The following DPYSL2 variants were observed in gnomAD, a reference collection of about 807,000 sequenced individuals.
The protein encoded by DPYSL2 is dihydropyrimidinase-related protein 2.
A neutral mutation model predicts 69.9 loss-of-function variants in DPYSL2; 13 were observed. The observed-to-expected ratio is 0.19, with a 90% CI of 0.12 to 0.30. DPYSL2 has a LOEUF of 0.30. DPYSL2 is among the 10% of genes least tolerant of loss of function. The pLI, the probability that DPYSL2 is intolerant of heterozygous loss-of-function variation, is 1.00. For synonymous variants in DPYSL2, 326 were observed against 359.1 expected, an observed-to-expected ratio of 0.91 and a Z score of 1.04; for missense variants, 587 against 918.9, an observed-to-expected ratio of 0.64 and a Z score of 4.67.
chr8:26,553,695 G>A (rs1800902663), intron 1 of DPYSL2, among the ~76,000 whole-genome samples: 1 of 152,104 alleles, frequency 6.6e-6, no homozygotes, highest in African/African-American at 2.4e-5. Flanking sequence ...ACACATGCAT[G>A]TGTCTTTATG....
chr8:26,554,742 G>A (rs1189612932), intron 1 of DPYSL2, among the ~76,000 whole-genome samples: 2 of 152,086 alleles, frequency 1.3e-5, no homozygotes, highest in East Asian at 3.8e-4. Context: ...GAAAACAGAA[G>A]CAGTGGGGAT....
At position 26,614,272 on chromosome 8, in the gene DPYSL2, T is replaced by A. The variant is rs888575724; in HGVS notation, c.629-9871T>A. On this transcript the variant is annotated intron_variant, in intron 3 of 13. Transcript: ENST00000521913. This position sits in a 1 kb window ranked among gnomAD's most constrained non-coding sequence, Gnocchi z 4.9. ...AGACAGGAAGGGAACAGAACTGGGA[T>A]GTGGCAGGGACAGGTTCCAGGCACT... Among the ~76,000 whole-genome samples the A allele has an allele frequency of 6.6e-6, 1 of 152,060 alleles. No individual in the cohort carries two copies. Among genetic ancestry groups the A allele is most frequent in the Non-Finnish European group, 1.5e-5 (1 of 68,016 alleles).
chr8:26,522,117 A>G (rs1166454652), intron 1 of DPYSL2, among the ~76,000 whole-genome samples: 3 of 152,162 alleles, frequency 2.0e-5, no homozygotes, highest in South Asian at 4.1e-4. Context: ...AGATCAGCCT[A>G]GCCAACATGG....
At position 26,643,068 on chromosome 8, in the gene DPYSL2, C is replaced by T; in HGVS notation, c.1127-371C>T. 5.2e-6 allele frequency: 1 copy of T among 194,122 alleles called. No homozygotes were observed. 12.0% of individuals were successfully genotyped at this position (194,122 alleles called of 1,614,324 possible). On this transcript the variant is annotated intron_variant, in intron 8 of 13. Transcript: ENST00000521913. The surrounding 1 kb of genome is among the most constrained non-coding windows in gnomAD (Gnocchi z 6.5). Reference sequence around the variant, plus strand: ...AGGTTAAATTTGAGGTGCCATAGGCCATGCATAAAGAACAGTCCAGATGGC... The same window carrying T: ...AGGTTAAATTTGAGGTGCCATAGGCTATGCATAAAGAACAGTCCAGATGGC...
At chr8:26,575,832 T>G (rs408157) in intron 1 of DPYSL2, among the ~76,000 whole-genome samples, 137,570 of 152,232 alleles carry the variant, frequency 0.9, 62,534 homozygotes, top group East Asian at 0.99. Flanking sequence ...TTTGAGTCTC[T>G]TTATTTACTC....
At position 26,624,960 on chromosome 8, in the gene DPYSL2, G is replaced by A. The variant is rs1018768701; in HGVS notation, c.793+653G>A. 1.3e-5 allele frequency among the ~76,000 whole-genome samples: 2 copies of A among 152,142 alleles called. No individual in the cohort carries two copies. Among genetic ancestry groups the A allele is most frequent in the Admixed American group, 1.3e-4 (2 of 15,272 alleles). ...AGGCCACATCATCTTCCTGGGTCTCGCTGGGCTTGGCTAGAGACCAGATTA... is the reference window on the plus strand; with the variant it reads ...AGGCCACATCATCTTCCTGGGTCTCACTGGGCTTGGCTAGAGACCAGATTA... On this transcript the variant is annotated intron_variant, in intron 4 of 13. Coordinates refer to ENST00000521913, the MANE Select transcript of DPYSL2 (RefSeq NM_001197293.3). This position sits in a 1 kb window ranked among gnomAD's most constrained non-coding sequence, Gnocchi z 4.7.
chr8:26,646,989 G>T (rs867103230), intron 10 of DPYSL2, among the ~76,000 whole-genome samples: 1 of 148,354 alleles, frequency 6.7e-6, no homozygotes, highest in Non-Finnish European at 1.5e-5. Context: ...TCAAAAAAAA[G>T]ATTAAAAAAA....
At position 26,653,881 on chromosome 8, in the gene DPYSL2, A is replaced by G. The variant is rs1803328963; in HGVS notation, c.1942+484A>G. Among the ~76,000 whole-genome samples, 2 of 152,174 alleles carry G rather than the reference A, an allele frequency of 1.3e-5. No homozygotes were observed. Among genetic ancestry groups the G allele is most frequent in the South Asian group, 2.1e-4 (1 of 4,828 alleles). On this transcript the variant is annotated intron_variant, in intron 13 of 13. Transcript: ENST00000521913. This position sits in a 1 kb window ranked among gnomAD's most constrained non-coding sequence, Gnocchi z 5.7. ...TAGCTTGGCCTGGAGATGTATTTTC[A>G]TAGTTAATGACTGGTTGGGTTTCAG... is the stretch of plus-strand genomic sequence containing the variant.
At position 26,609,361 on chromosome 8, in the gene DPYSL2, G is replaced by T. The variant is rs62491954; in HGVS notation, c.629-14782G>T. ...TTTTGGGGCGCATTTAGTTCTGCAC[G>T]TTGTGTATGTAAGTAGATGTTCTTC... On this transcript the variant is annotated intron_variant, in intron 3 of 13. Transcript: ENST00000521913. The surrounding 1 kb of genome is among the most constrained non-coding windows in gnomAD (Gnocchi z 6.5). Among the ~76,000 whole-genome samples, 1 of 152,146 alleles carries T rather than the reference G, an allele frequency of 6.6e-6. No individual in the cohort carries two copies. Among genetic ancestry groups the T allele is most frequent in the East Asian group, 1.9e-4 (1 of 5,184 alleles).
chr8:26,550,312 G>A (rs952522914), intron 1 of DPYSL2, among the ~76,000 whole-genome samples: 1 of 152,100 alleles, frequency 6.6e-6, no homozygotes, highest in African/African-American at 2.4e-5. Context: ...TGAGAGGTGA[G>A]AAAATGGAGT....
rs1227408152 is a variant in DPYSL2, at chr8:26,622,446, GTA to G, written c.629-1695_629-1694del. The stretch of plus-strand genomic sequence containing the variant: ...AAAATTCAGCTTAGATGGCCATATT[GTA>G]TGTGTGTGTGTGTGTGTGTGTGTGT... On this transcript the variant is annotated intron_variant, in intron 3 of 13. Coordinates refer to ENST00000521913, the MANE Select transcript of DPYSL2 (RefSeq NM_001197293.3). Among the ~76,000 whole-genome samples, 17 of 139,680 alleles carry G rather than the reference GTA, an allele frequency of 1.2e-4. 1 individual carries two copies. The highest frequency in any genetic ancestry group is 1.2e-3 in the South Asian group (5 of 4,280). 91.6% of individuals were successfully genotyped at this position (139,680 alleles called of 152,430 possible). A position where few individuals can be genotyped will look rare whatever the true frequency, so the allele number is the denominator to read the frequency against.
Position 26,582,161 on chromosome 8 carries a change from G to GA in DPYSL2, c.443+105dup. ...AGTATCAAACTTCAGGAACATCAGAGAGTGACCAACTTAGTATCTGTTTTA... is the reference window on the plus strand; with the variant it reads ...AGTATCAAACTTCAGGAACATCAGAGAAGTGACCAACTTAGTATCTGTTTTA... On this transcript the variant is annotated intron_variant, in intron 2 of 13. Coordinates refer to ENST00000521913, the MANE Select transcript of DPYSL2 (RefSeq NM_001197293.3). The surrounding 1 kb of genome is among the most constrained non-coding windows in gnomAD (Gnocchi z 4.1). 1.1e-6 allele frequency: 1 copy of GA among 877,622 alleles called. No individual in the cohort carries two copies. The highest frequency in any genetic ancestry group is 1.5e-5 in the South Asian group (1 of 65,328). The allele number at this position is 877,622 out of a possible 1,614,324, so 54.4% of individuals were successfully genotyped here. A position where few individuals can be genotyped will look rare whatever the true frequency, so the allele number is the denominator to read the frequency against.
intron 3 of DPYSL2, among the ~76,000 whole-genome samples, chr8:26,622,454 GTGTGTGTGTGTGTGTGTGTATA>G (rs752575700): frequency 0.092 from 12,401 of 135,276 alleles, 657 homozygotes; most frequent in Middle Eastern, 0.15. Context: ...TTGTATGTGT[GTGTGTGTGTGTGTGTGTGTATA>G]TGTGTGTGTG....
At chr8:26,594,956 A>T (rs918462887) in intron 3 of DPYSL2, among the ~76,000 whole-genome samples, 4 of 152,164 alleles carry the variant, frequency 2.6e-5, no homozygotes, top group Admixed American at 1.3e-4. Flanking sequence ...TTGAGGTGGG[A>T]GGATCACTTG....
At chr8:26,606,732 G>A (rs549262659) in intron 3 of DPYSL2, among the ~76,000 whole-genome samples, 1 of 152,188 alleles carries the variant, frequency 6.6e-6, no homozygotes, top group Admixed American at 6.5e-5. Context: ...GGTTAAGTAA[G>A]CTGAAAAAAA....
intron 1 of DPYSL2, among the ~76,000 whole-genome samples, chr8:26,527,503 C>T (rs17055411): frequency 0.019 from 2,880 of 152,106 alleles, 83 homozygotes; most frequent in African/African-American, 0.064. Flanking sequence ...TGTCTTTGGC[C>T]TCACTCTGAT....
At chr8:26,577,930 T>G (rs978606526) in intron 1 of DPYSL2, 5 of 1,185,666 alleles carry the variant, frequency 4.2e-6, no homozygotes, top group Non-Finnish European at 5.2e-6. Context: ...GTGGCCGACT[T>G]GAACCGAGGC....
At chr8:26,599,235 C>CG (rs1801937747) in intron 3 of DPYSL2, among the ~76,000 whole-genome samples, 2 of 152,120 alleles carry the variant, frequency 1.3e-5, no homozygotes, top group East Asian at 3.9e-4. Context: ...CTGAGAGAGT[C>CG]AGATGATTCA....
intron 3 of DPYSL2, among the ~76,000 whole-genome samples, chr8:26,595,461 G>A (rs993796147): frequency 3.3e-5 from 5 of 152,024 alleles, no homozygotes; most frequent in Non-Finnish European, 4.4e-5. Flanking sequence ...GCCTTTTTTG[G>A]CATTCAAATG....
Sources: allele counts gnomAD v4.1 joint callset (sites outside exome capture counted in the v4.1 genomes callset), GRCh38; gene constraint gnomAD v4.1.1; non-coding constraint Gnocchi (gnomAD v3.1); transcripts MANE v1.5; gene names NCBI Gene and HGNC (gene_info 2026-07-23, HGNC 2026-07-21).